Variants in ROBO2 observed in about 807,000 individuals in gnomAD.
ROBO2 encodes the protein roundabout homolog 2.
In ROBO2, 53 loss-of-function variants were observed where a neutral mutation model predicts 160.8. That is an observed-to-expected ratio of 0.33 (90% CI 0.26 to 0.41). The LOEUF (loss-of-function observed/expected upper bound fraction) is 0.41, where lower values mean the gene tolerates loss of function less well. Among genes scored for constraint, ROBO2 ranks in the 10% least tolerant of loss-of-function variants. The probability of loss-of-function intolerance (pLI) is 1.00; values close to 1 mark genes in which losing one functional copy is unlikely to be tolerated. For missense variants in ROBO2, 1,577 were observed against 1,722.4 expected (o/e 0.92, Z 1.49); for synonymous variants, 664 against 611.7 (o/e 1.09, Z -1.26).
rs576854585 is a variant in ROBO2 at position 77,006,174 on chromosome 3, A to T, written c.110-91840A>T. On this transcript the variant is annotated intron_variant, in intron 2 of 26. Coordinates refer to the ROBO2 transcript ENST00000487694. ...TTCCTGCCTGTTATGTTTGTTAAGG[A>T]TTCACTGTACCTTTAAGACTCAGGC... Among the ~76,000 whole-genome samples, 11 of 152,154 alleles carry T rather than the reference A, an allele frequency of 7.2e-5. 2 individuals carry two copies. In the South Asian group the frequency reaches 2.3e-3, roughly 32 times the overall value.
intron 2 of ROBO2, among the ~76,000 whole-genome samples, chr3:77,389,039 G>T (rs577347795): frequency 6.6e-6 from 1 of 152,208 alleles, no homozygotes; most frequent in East Asian, 1.9e-4. Context: ...TCACTTACTG[G>T]GTTCAAGCGA....
chr3:77,536,404 T>A (rs2092106110), intron 6 of ROBO2, among the ~76,000 whole-genome samples: 1 of 151,904 alleles, frequency 6.6e-6, no homozygotes, highest in Admixed American at 6.6e-5. Context: ...CTCTCTTCTT[T>A]TCTCTCTCCT....
chr3:76,059,862 A>G (rs2068006967), intron 2 of ROBO2, among the ~76,000 whole-genome samples: 1 of 152,132 alleles, frequency 6.6e-6, no homozygotes, highest in Non-Finnish European at 1.5e-5. Context: ...TCAGCTTTCT[A>G]CATATGGCTA....
At chr3:76,807,346 G>T (rs995044094) in intron 2 of ROBO2, among the ~76,000 whole-genome samples, 2 of 151,820 alleles carry the variant, frequency 1.3e-5, no homozygotes, top group Non-Finnish European at 2.9e-5. Context: ...TACTGTGTTC[G>T]CCCCTGAAAT....
At chr3:77,365,150 G>GAAAAAAAA in intron 2 of ROBO2, among the ~76,000 whole-genome samples, 1 of 134,350 alleles carries the variant, frequency 7.4e-6, no homozygotes, top group Non-Finnish European at 1.6e-5. Context: ...TCCATCTCAG[G>GAAAAAAAA]AAAAAAAAAA....
At chr3:76,524,544 A>G (rs188282291) in intron 2 of ROBO2, among the ~76,000 whole-genome samples, 1 of 151,798 alleles carries the variant, frequency 6.6e-6, no homozygotes, top group African/African-American at 2.4e-5. Flanking sequence ...CCTAATACCT[A>G]TGATTTAGAG....
At chr3:76,721,365 A>T (rs11127557) in intron 2 of ROBO2, among the ~76,000 whole-genome samples, 28,635 of 152,112 alleles carry the variant, frequency 0.19, 4,336 homozygotes, top group African/African-American at 0.42. Context: ...ATAAAGTAGC[A>T]TATTTCTGAT....
chr3:76,023,499 A>C (rs757996216), intron 2 of ROBO2, among the ~76,000 whole-genome samples: 1 of 151,590 alleles, frequency 6.6e-6, no homozygotes, highest in African/African-American at 2.4e-5. Context: ...GTGAGGCTTG[A>C]GGAGAAGAAG....
At chr3:76,602,062 A>G (rs565789805) in intron 2 of ROBO2, among the ~76,000 whole-genome samples, 1 of 152,288 alleles carries the variant, frequency 6.6e-6, no homozygotes, top group African/African-American at 2.4e-5. Flanking sequence ...ACATAACAAG[A>G]GTCGCCTTTG....
intron 6 of ROBO2, among the ~76,000 whole-genome samples, chr3:77,523,329 G>A (rs963845190): frequency 6.6e-6 from 1 of 151,328 alleles, no homozygotes; most frequent in Non-Finnish European, 1.5e-5. Context: ...TTTAATGTCA[G>A]CATTCAAAAC....
intron 2 of ROBO2, among the ~76,000 whole-genome samples, chr3:77,278,786 G>A (rs959405094): frequency 6.6e-6 from 1 of 152,048 alleles, no homozygotes; most frequent in Non-Finnish European, 1.5e-5. Flanking sequence ...TGTCTTGCCA[G>A]TTGTGGAGAT....
chr3:76,442,859 T>C (rs1243195114), intron 2 of ROBO2, among the ~76,000 whole-genome samples: 3 of 152,200 alleles, frequency 2.0e-5, no homozygotes, highest in Non-Finnish European at 4.4e-5. Flanking sequence ...AATAACTGAA[T>C]TATTAGTTAT....
intron 2 of ROBO2, among the ~76,000 whole-genome samples, chr3:77,356,492 G>A (rs62251253): frequency 0.15 from 22,725 of 152,128 alleles, 2,007 homozygotes; most frequent in Middle Eastern, 0.23. Context: ...TTAGAATTGG[G>A]TTGGGTATGT....
chr3:77,079,509 G>A (rs6548477), intron 1 of ROBO2, among the ~76,000 whole-genome samples: 64,073 of 151,962 alleles, frequency 0.42, 16,131 homozygotes, highest in African/African-American at 0.68. Flanking sequence ...TCGAATTTGA[G>A]AAAAACCCCA....
At chr3:77,566,101 A>G (rs1246972908) in intron 12 of ROBO2, among the ~76,000 whole-genome samples, 1 of 152,146 alleles carries the variant, frequency 6.6e-6, no homozygotes, top group Non-Finnish European at 1.5e-5. Context: ...AGCACCATAC[A>G]GCCATAAAAT....
At chr3:76,605,806 C>G (rs962492576) in intron 2 of ROBO2, among the ~76,000 whole-genome samples, 7 of 152,046 alleles carry the variant, frequency 4.6e-5, no homozygotes, top group Admixed American at 1.3e-4. Flanking sequence ...TTTTCTCCCC[C>G]CCTTATTTGA....
At chr3:76,393,154 G>A (rs2077240594) in intron 2 of ROBO2, among the ~76,000 whole-genome samples, 1 of 152,082 alleles carries the variant, frequency 6.6e-6, no homozygotes. Context: ...CATCATGGGA[G>A]CTTGTTAAAA....
chr3:76,225,334 T>C, intron 2 of ROBO2, among the ~76,000 whole-genome samples: 1 of 152,354 alleles, frequency 6.6e-6, no homozygotes, highest in South Asian at 2.1e-4. Flanking sequence ...AATATGTGTG[T>C]ATTAATTTTT....
At chr3:77,398,252 G>C (rs1025228670) in intron 2 of ROBO2, among the ~76,000 whole-genome samples, 1 of 152,118 alleles carries the variant, frequency 6.6e-6, no homozygotes, top group African/African-American at 2.4e-5. Flanking sequence ...GAACATGCGG[G>C]AGGGAGTGAG....
Sources: gnomAD v4.1 joint callset for allele counts (sites outside exome capture counted in the v4.1 genomes callset) on GRCh38, gnomAD v4.1.1 for gene constraint, MANE v1.5 for transcripts, NCBI Gene and HGNC (gene_info 2026-07-23, HGNC 2026-07-21) for gene names.